Variants in ZNF415 observed in about 807,000 individuals in gnomAD.
The protein encoded by ZNF415 is zinc finger protein 415.
Under a neutral mutation model 7.3 loss-of-function variants are expected in ZNF415, and 5 were observed. That is an observed-to-expected ratio of 0.69 (90% CI 0.36 to 1.44). The LOEUF is 1.44. Ranked by LOEUF, ZNF415 falls within the 40% of genes most tolerant of loss-of-function variation. ZNF415 has a pLI of 0.04. For missense variants in ZNF415, 628 were observed against 664.8 expected, an observed-to-expected ratio of 0.94 and a Z score of 0.61; for synonymous variants, 207 against 226.3, an observed-to-expected ratio of 0.91 and a Z score of 0.77.
At chr19:53,118,672 A>C (rs770713162) in intron 2 of ZNF415, among the ~76,000 whole-genome samples, 12 of 152,292 alleles carry the variant, frequency 7.9e-5, no homozygotes, top group Middle Eastern at 3.4e-3. Flanking sequence ...CATGGAAATT[A>C]GACAACATGC....
chr19:53,116,496 C>A, intron 2 of ZNF415, 63 bp from the exon 3 acceptor site: 1 of 1,597,412 alleles, frequency 6.3e-7, no homozygotes, highest in Non-Finnish European at 8.6e-7. Flanking sequence ...CATCTTCACA[C>A]AAAATAAGAA....
Position 53,109,543 on chromosome 19 carries a change from A to T in ZNF415, c.502T>A (p.Ser168Thr). ...GAAACTGAGGAACCATGGTTGACAGACTTCTCAACATGGTTACATTCATAA... is the reference window on the plus strand; with the variant it reads ...GAAACTGAGGAACCATGGTTGACAGTCTTCTCAACATGGTTACATTCATAA... ...KIYECNHVEK[S>T]VNHGSSVSPP... Residue 168 changes from serine (S) to threonine (T), a missense_variant, in exon 4 of 4, where the codon TCT becomes ACT. Transcript: ENST00000243643. 1 of 1,614,032 alleles carries T rather than the reference A, an allele frequency of 6.2e-7. No homozygotes were observed. Among genetic ancestry groups the T allele is most frequent in the Non-Finnish European group, 8.5e-7 (1 of 1,179,970 alleles).
intron 3 of ZNF415, among the ~76,000 whole-genome samples, chr19:53,112,140 A>G (rs2086324887): frequency 6.6e-6 from 1 of 151,504 alleles, no homozygotes; most frequent in South Asian, 2.1e-4. Context: ...GAAGGGGTTT[A>G]ACCATGTTGG....
intron 1 of ZNF415, among the ~76,000 whole-genome samples, chr19:53,125,342 T>A (rs557897340): frequency 2.3e-4 from 32 of 138,630 alleles, no homozygotes; most frequent in African/African-American, 7.7e-4. Flanking sequence ...GCGCCTGGCC[T>A]TTTTTTTTTT....
intron 3 of ZNF415, chr19:53,115,907 AG>A (rs1158907520): frequency 2.1e-6 from 2 of 950,598 alleles, no homozygotes; most frequent in Non-Finnish European, 3.2e-6. Context: ...ATAAGAAGAG[AG>A]GCTATCACAG....
rs577992632 is a variant in ZNF415, at chr19:53,109,414, T to C, written c.631A>G (p.Ile211Val). The stretch of plus-strand genomic sequence containing the variant: ...ATATATCTGTAAGGTTTTTCCCTAA[T>C]GCATGATTTCTGTTCTTGTGTGAGT... ...SLLTQEQKSCIREKPYRYIEC... is the reference protein window; with the variant it reads ...SLLTQEQKSCVREKPYRYIEC... The change falls in exon 4 of 4, where the codon ATT (isoleucine) becomes GTT (valine). Residue 211 changes from isoleucine (I) to valine (V), a missense_variant. Coordinates refer to ENST00000243643, the MANE Select transcript of ZNF415 (RefSeq NM_018355.4). 76 of 1,614,176 alleles carry C rather than the reference T, an allele frequency of 4.7e-5. 2 individuals are homozygous for C. In the South Asian group the frequency reaches 7.6e-4, roughly 16 times the overall value.
Position 53,121,148 on chromosome 19 carries a change from C to T in ZNF415, c.15+1514G>A, listed in dbSNP as rs570301140. On this transcript the variant is annotated intron_variant, in intron 2 of 3. Transcript: ENST00000243643. ...CAGTGGCTCCCGCCCGTAATCCCAG[C>T]ACTTTGGGAGGCCGAGGCAGGCAGA... 5.4e-5 allele frequency among the ~76,000 whole-genome samples: 8 copies of T among 148,298 alleles called. No homozygotes were observed. In the South Asian group the frequency reaches 8.5e-4, roughly 16 times the overall value.
rs1038416930 is a variant in ZNF415, at chr19:53,108,414, A to G, written c.1631T>C (p.Ile544Thr). ...SVRPNLFRHQ[I>T]IHTKEKPYKR... ...ATAAGGTTTCTCCTTAGTATGGATAATTTGATGTCTGAAGAGGTTTGGGCG... is the reference window on the plus strand; with the variant it reads ...ATAAGGTTTCTCCTTAGTATGGATAGTTTGATGTCTGAAGAGGTTTGGGCG... Residue 544 changes from isoleucine to threonine, a missense_variant, in exon 4 of 4, where the codon ATT becomes ACT. By Grantham distance (89) the Ile-to-Thr change is moderately conservative. Coordinates refer to ENST00000243643, the MANE Select transcript of ZNF415 (RefSeq NM_018355.4). 3.1e-6 allele frequency: 5 copies of G among 1,613,844 alleles called. No homozygotes were observed. The highest frequency in any genetic ancestry group is 2.2e-5 in the South Asian group (2 of 91,052).
intron 1 of ZNF415, among the ~76,000 whole-genome samples, chr19:53,125,104 C>T (rs577777501): frequency 4.6e-4 from 70 of 151,948 alleles, no homozygotes; most frequent in Non-Finnish European, 7.5e-4. Context: ...AGTGCAGTGG[C>T]GTGATCTCGG....
intron 1 of ZNF415, among the ~76,000 whole-genome samples, chr19:53,126,580 GA>G (rs1165978047): frequency 1.5e-5 from 2 of 131,366 alleles, no homozygotes; most frequent in Non-Finnish European, 3.5e-5. Flanking sequence ...GGGGAGAAAG[GA>G]GAGACACAAG....
chr19:53,125,136 C>T (rs1169393982), intron 1 of ZNF415, among the ~76,000 whole-genome samples: 2 of 151,974 alleles, frequency 1.3e-5, no homozygotes, highest in Admixed American at 6.6e-5. Context: ...CTCCGCCTCC[C>T]GGGTTCAAGT....
At chr19:53,132,279 C>T (rs545215942) in intron 1 of ZNF415, among the ~76,000 whole-genome samples, 8 of 152,270 alleles carry the variant, frequency 5.3e-5, no homozygotes, top group African/African-American at 1.4e-4. Flanking sequence ...TGGGGTAAGA[C>T]GCCTGCATCC....
At chr19:53,127,744 G>A (rs1601313765) in intron 1 of ZNF415, among the ~76,000 whole-genome samples, 1 of 151,986 alleles carries the variant, frequency 6.6e-6, no homozygotes, top group Non-Finnish European at 1.5e-5. Flanking sequence ...GGGTGTGGTG[G>A]CGCGTGCCTG....
At chr19:53,112,670 T>C (rs1448781180) in intron 3 of ZNF415, among the ~76,000 whole-genome samples, 2 of 152,130 alleles carry the variant, frequency 1.3e-5, no homozygotes, top group Non-Finnish European at 2.9e-5. Context: ...TCCATGCAGA[T>C]CAAGGTATCA....
In ZNF415 at chr19:53,109,142, T is replaced by C. The variant is rs2085832542; in HGVS notation, c.903A>G (p.Lys301=). 1 of 1,613,794 alleles carries C rather than the reference T, an allele frequency of 6.2e-7. No homozygotes were observed. The highest frequency in any genetic ancestry group is 8.5e-7 in the Non-Finnish European group (1 of 1,179,962). The change falls in exon 4 of 4, where the codon AAA becomes AAG. Residue 301 remains lysine (K), a synonymous_variant. Transcript: ENST00000243643. ...TGAAGACCTTGTCACACTCATAACA[T>C]TTGTAAGGTTTCTCTCCAGTGTGAA... ...RRVHTGEKPY[K]CYECDKVFSR...
Position 53,109,077 on chromosome 19 carries a change from A to G in ZNF415, c.968T>C (p.Ile323Thr), listed in dbSNP as rs777357545. The G allele has an allele frequency of 1.2e-6, 2 of 1,612,292 alleles. No individual in the cohort carries two copies. Among genetic ancestry groups the G allele is most frequent in the Admixed American group, 1.7e-5 (1 of 59,974 alleles). ...TTTACATGTGTAAGGTTTCTCTCCAATATGAGTTTTCTGATGTAGTGCAAG... is the reference window on the plus strand; with the variant it reads ...TTTACATGTGTAAGGTTTCTCTCCAGTATGAGTTTTCTGATGTAGTGCAAG... ...SCLALHQKTH[I>T]GEKPYTCKEC... is the part of the protein sequence containing the mutation. Residue 323 changes from isoleucine (I) to threonine (T), a missense_variant, in exon 4 of 4, where the codon ATT (isoleucine) becomes ACT (threonine). Transcript: ENST00000243643.
rs749733009 is a variant in ZNF415, at chr19:53,109,912, T to A, written c.137-4A>T. The A allele has an allele frequency of 4.5e-6, 7 of 1,554,036 alleles. No homozygotes were observed. In the East Asian group the frequency reaches 1.6e-4, roughly 35 times the overall value. On this transcript the variant is annotated splice_region_variant and splice_polypyrimidine_tract_variant and intron_variant, in intron 3 of 3. Coordinates refer to ENST00000243643, the MANE Select transcript of ZNF415 (RefSeq NM_018355.4). ...ATTACACAGTTACGAGACAGATCTA[T>A]AAGAAATGAAAACCATAGGTTTCCA...
At chr19:53,117,532 A>G (rs2087264489) in intron 2 of ZNF415, among the ~76,000 whole-genome samples, 1 of 152,118 alleles carries the variant, frequency 6.6e-6, no homozygotes, top group African/African-American at 2.4e-5. Flanking sequence ...TAAAACAGGA[A>G]ATTTCTCAAT....
chr19:53,124,320 CCT>C (rs1358927029), intron 1 of ZNF415: 2 of 152,242 alleles, frequency 1.3e-5, no homozygotes, highest in African/African-American at 4.8e-5. Flanking sequence ...CTGATGAGGG[CCT>C]CAGGAAGCTT....
Sources: allele counts gnomAD v4.1 joint callset (sites outside exome capture counted in the v4.1 genomes callset), GRCh38; gene constraint gnomAD v4.1.1; transcripts MANE v1.5; gene names NCBI Gene and HGNC (gene_info 2026-07-23, HGNC 2026-07-21).